EVC: variants seen among roughly 807,000 people sequenced by gnomAD.
The protein encoded by EVC is evC complex member EVC.
In EVC, 116 loss-of-function variants were observed where a neutral mutation model predicts 118.9. The observed-to-expected ratio is 0.98, with a 90% confidence interval of 0.84 to 1.14. The LOEUF is 1.14. Ranked by LOEUF, EVC falls within the 50% of genes most tolerant of loss-of-function variation. The pLI is 0.00. For synonymous variants in EVC, 619 were observed against 534.7 expected (o/e 1.16, Z -2.18); for missense variants, 1,401 against 1,246.4 (o/e 1.12, Z -1.87).
the EVC span, among the ~76,000 whole-genome samples, chr4:5,827,130 T>C: frequency 2.6e-5 from 4 of 152,308 alleles, no homozygotes; most frequent in Non-Finnish European, 1.5e-5. Flanking sequence ...CCCGATCCTA[T>C]TGCTCCTGCA....
chr4:5,736,049 C>G (rs1379236259), intron 5 of EVC, among the ~76,000 whole-genome samples: 2 of 152,126 alleles, frequency 1.3e-5, no homozygotes, highest in African/African-American at 4.8e-5. Context: ...TTAGAACTCC[C>G]TGGCTGGCCC....
intron 11 of EVC, among the ~76,000 whole-genome samples, chr4:5,759,120 T>C (rs2045278042): frequency 6.6e-6 from 1 of 151,954 alleles, no homozygotes; most frequent in Non-Finnish European, 1.5e-5. Context: ...CTGTACACAC[T>C]TGTTCATACG....
rs764925850 is a variant in EVC, at chr4:5,729,300, C to G, written c.301-7C>G. ...TTTCCCATGCCGTTTGTGTCTTTCC[C>G]TCCCAGGAATGTGAGCCGCCTTCCA... On this transcript the variant is annotated splice_region_variant and splice_polypyrimidine_tract_variant and intron_variant, in intron 2 of 20. Transcript: ENST00000264956. 1.2e-6 allele frequency: 2 copies of G among 1,613,944 alleles called. No homozygotes were observed. Among genetic ancestry groups the G allele is most frequent in the Non-Finnish European group, 1.7e-6 (2 of 1,179,970 alleles).
chr4:5,787,556 C>T (rs536527431), intron 12 of EVC, among the ~76,000 whole-genome samples: 1 of 152,282 alleles, frequency 6.6e-6, no homozygotes, highest in East Asian at 1.9e-4. Context: ...GGATTCTGCC[C>T]CAGACCCTCG....
chr4:5,804,022 C>G (rs1715453791), intron 16 of EVC, among the ~76,000 whole-genome samples: 1 of 151,692 alleles, frequency 6.6e-6, no homozygotes, highest in Admixed American at 6.6e-5. Flanking sequence ...CTCACTGCAA[C>G]CTCTGCTTCC....
chr4:5,729,005 C>T (rs1039180896), intron 2 of EVC, among the ~76,000 whole-genome samples: 5 of 152,178 alleles, frequency 3.3e-5, no homozygotes, highest in Middle Eastern at 6.8e-3. Flanking sequence ...TCTGTCTGTC[C>T]ATCCTTCCAT....
intron 4 of EVC, 49 bp from the exon 5 acceptor site, chr4:5,733,302 C>A: frequency 6.6e-7 from 1 of 1,504,418 alleles, no homozygotes; most frequent in Admixed American, 1.7e-5. Context: ...TCTTACTCTT[C>A]ATTTCCGATA....
chr4:5,815,754 C>A (rs139907124), downstream of EVC, among the ~76,000 whole-genome samples: 1 of 152,150 alleles, frequency 6.6e-6, no homozygotes, highest in Non-Finnish European at 1.5e-5. Flanking sequence ...GTGTGCAGTT[C>A]GGTGCTTTGA....
Position 5,756,221 on chromosome 4 carries a change from C to A in EVC, c.1465-43C>A, listed in dbSNP as rs1014172639. Reference sequence around the variant, plus strand: ...AACCTTCTGGAAAAAAAAAAAAAAACCCTGCATGTTTCTACCAGACTCAGC... The same window carrying A: ...AACCTTCTGGAAAAAAAAAAAAAAAACCTGCATGTTTCTACCAGACTCAGC... On this transcript the variant is annotated intron_variant, in intron 10 of 20. Coordinates refer to ENST00000264956, the MANE Select transcript of EVC (RefSeq NM_153717.3). The surrounding 1 kb of genome is among the most constrained non-coding windows in gnomAD (Gnocchi z 4.2). 6.1e-5 allele frequency: 82 copies of A among 1,337,280 alleles called. No homozygotes were observed. Among genetic ancestry groups the A allele is most frequent in the African/African-American group, 5.9e-4 (40 of 67,642 alleles). 82.8% of individuals were successfully genotyped at this position (1,337,280 alleles called of 1,614,324 possible).
intron 4 of EVC, among the ~76,000 whole-genome samples, chr4:5,732,142 AAC>A (rs1726923698): frequency 6.6e-6 from 1 of 152,206 alleles, no homozygotes; most frequent in African/African-American, 2.4e-5. Context: ...AATAAAGGGA[AAC>A]ACAGAGAGGC....
chr4:5,825,457 G>C, the EVC span: 4 of 1,535,380 alleles, frequency 2.6e-6, no homozygotes, highest in Non-Finnish European at 3.5e-6. The surrounding 1 kb of genome is among the most constrained non-coding windows in gnomAD (Gnocchi z 4.4). Flanking sequence ...CTGAACTGCT[G>C]CAATTGTGGG....
intron 3 of EVC, among the ~76,000 whole-genome samples, chr4:5,730,003 T>G (rs143895745): frequency 6.2e-4 from 94 of 152,300 alleles, no homozygotes; most frequent in Non-Finnish European, 1.2e-3. Context: ...CAAAAAAGTT[T>G]CCTAGTGAAA....
At position 5,798,859 on chromosome 4, in the gene EVC, G is replaced by A; in HGVS notation, c.2304+67G>A. On this transcript the variant is annotated intron_variant, in intron 15 of 20. Transcript: ENST00000264956. The surrounding 1 kb of genome is among the most constrained non-coding windows in gnomAD (Gnocchi z 4.1). ...ATGTTCAGGGTAGGGTCCATGCCTG[G>A]GTCTGCTCCTTGCCACACCGTTCAT... is the stretch of plus-strand genomic sequence containing the variant. 6.6e-7 allele frequency: 1 copy of A among 1,517,504 alleles called. No homozygotes were observed. The highest frequency in any genetic ancestry group is 1.2e-5 in the South Asian group (1 of 84,080). 94.0% of individuals were successfully genotyped at this position (1,517,504 alleles called of 1,614,324 possible).
the EVC span, chr4:5,828,736 G>C: frequency 6.5e-7 from 1 of 1,538,556 alleles, no homozygotes; most frequent in Non-Finnish European, 8.8e-7. Context: ...TCATAACAGC[G>C]ATTTTGCCTA....
intron 12 of EVC, among the ~76,000 whole-genome samples, chr4:5,785,972 T>TA (rs1428382547): frequency 6.6e-6 from 1 of 152,138 alleles, no homozygotes; most frequent in Non-Finnish European, 1.5e-5. Flanking sequence ...GTGGACCCAC[T>TA]AAATGAGTGT....
chr4:5,813,044 C>T lies in EVC; in HGVS notation c.*2007C>T, dbSNP rs978804162. 6.6e-6 allele frequency: 1 copy of T among 152,184 alleles called. No homozygotes were observed. Among genetic ancestry groups the T allele is most frequent in the African/African-American group, 2.4e-5 (1 of 41,436 alleles). The allele number at this position is 152,184 out of a possible 1,614,324, so 9.4% of individuals were successfully genotyped here. A position where few individuals can be genotyped will look rare whatever the true frequency, so the allele number is the denominator to read the frequency against. On this transcript the variant is annotated 3_prime_UTR_variant, in exon 21 of 21. Coordinates refer to ENST00000264956, the MANE Select transcript of EVC (RefSeq NM_153717.3). ...TAGACTCTCTTAGAAACAAGTGACT[C>T]CTTCCCAGTGGCCAAAACTTAATCA...
At chr4:5,740,479 AAAAAAAAAG>A (rs1308877003) in intron 5 of EVC, among the ~76,000 whole-genome samples, 11 of 151,606 alleles carry the variant, frequency 7.3e-5, no homozygotes, top group African/African-American at 2.7e-4. Flanking sequence ...TCAAAAAAAA[AAAAAAAAAG>A]AAAAAGAAAA....
At chr4:5,764,759 C>T (rs1485639919) in intron 11 of EVC, among the ~76,000 whole-genome samples, 2 of 146,678 alleles carry the variant, frequency 1.4e-5, no homozygotes, top group Non-Finnish European at 3.0e-5. Context: ...TCCCCTTTAT[C>T]ATTTTTTATT....
chr4:5,759,894 T>G (rs1731745496), intron 11 of EVC, among the ~76,000 whole-genome samples: 1 of 152,086 alleles, frequency 6.6e-6, no homozygotes, highest in Admixed American at 6.5e-5. Flanking sequence ...TTTTATACAT[T>G]TTAGGGAGAC....
Sources: allele counts gnomAD v4.1 joint callset (sites outside exome capture counted in the v4.1 genomes callset), GRCh38; gene constraint gnomAD v4.1.1; non-coding constraint Gnocchi (gnomAD v3.1); transcripts MANE v1.5; gene names NCBI Gene and HGNC (gene_info 2026-07-23, HGNC 2026-07-21).